The following STRN variants were observed in gnomAD, a reference collection of about 807,000 sequenced individuals.
The protein encoded by STRN is striatin.
A neutral mutation model predicts 96.3 loss-of-function variants in STRN; 53 were observed. The observed-to-expected ratio is 0.55, with a 90% CI of 0.44 to 0.69. The LOEUF (loss-of-function observed/expected upper bound fraction) is 0.69, where lower values mean the gene tolerates loss of function less well. Among genes scored for constraint, STRN ranks in the 30% least tolerant of loss-of-function variants. The probability of loss-of-function intolerance (pLI) is 0.00; values close to 1 mark genes in which losing one functional copy is unlikely to be tolerated. For synonymous variants in STRN, 428 were observed against 355.9 expected (o/e 1.20, Z -2.28); for missense variants, 987 against 963.9 (o/e 1.02, Z -0.32).
intron 1 of STRN, among the ~76,000 whole-genome samples, chr2:36,944,025 CAGG>C (rs1334406663): frequency 1.3e-5 from 2 of 152,030 alleles, no homozygotes; most frequent in African/African-American, 4.8e-5. Flanking sequence ...GAGGCTGGGG[CAGG>C]AGAATTGCTT....
chr2:36,907,182 C>G (rs1558647602), intron 3 of STRN, among the ~76,000 whole-genome samples: 1 of 152,176 alleles, frequency 6.6e-6, no homozygotes, highest in East Asian at 1.9e-4. Flanking sequence ...TAAAAAACTG[C>G]TGATCTTTAT....
At chr2:36,951,949 T>C (rs1664763617) in intron 1 of STRN, among the ~76,000 whole-genome samples, 1 of 152,198 alleles carries the variant, frequency 6.6e-6, no homozygotes, top group Non-Finnish European at 1.5e-5. Flanking sequence ...GCACGGATCC[T>C]ACTGTGAACA....
intron 14 of STRN, among the ~76,000 whole-genome samples, chr2:36,856,811 T>G (rs1046456339): frequency 1.3e-5 from 2 of 152,142 alleles, no homozygotes; most frequent in Admixed American, 1.3e-4. Context: ...ATTTTCCCCT[T>G]TGGTGCTATT....
chr2:36,955,158 G>C (rs1049367992), intron 1 of STRN, among the ~76,000 whole-genome samples: 10 of 152,126 alleles, frequency 6.6e-5, no homozygotes, highest in African/African-American at 2.4e-4. Flanking sequence ...CACAGAGTGA[G>C]GGACCAAAAA....
At chr2:36,956,914 T>G (rs1381803350) in intron 1 of STRN, among the ~76,000 whole-genome samples, 2 of 152,226 alleles carry the variant, frequency 1.3e-5, no homozygotes, top group Admixed American at 6.5e-5. Flanking sequence ...ATTCTTCTAC[T>G]GAACGCAGCC....
At position 36,843,425 on chromosome 2, in the gene STRN, G is replaced by T. The variant is rs1667994222; in HGVS notation, c.*6031C>A. Among the ~76,000 whole-genome samples the T allele has an allele frequency of 6.6e-6, 1 of 152,090 alleles. No homozygotes were observed. The highest frequency in any genetic ancestry group is 2.4e-5 in the African/African-American group (1 of 41,420). On this transcript the variant is annotated 3_prime_UTR_variant, in exon 18 of 18. Transcript: ENST00000263918. The stretch of plus-strand genomic sequence containing the variant: ...TAGCGAAACAAAAAATAAAAACATT[G>T]TATTTATATATGTGTATAAATTTTA...
At chr2:36,872,983 T>C (rs1668803665) in intron 10 of STRN, among the ~76,000 whole-genome samples, 1 of 152,250 alleles carries the variant, frequency 6.6e-6, no homozygotes, top group South Asian at 2.1e-4. Context: ...CCAGAGGGGA[T>C]GGCTGAGAAG....
chr2:36,929,130 G>T (rs1670501063), intron 1 of STRN, among the ~76,000 whole-genome samples: 1 of 151,970 alleles, frequency 6.6e-6, no homozygotes. Context: ...ATTTTTCACA[G>T]TATAGAAAAT....
chr2:36,843,921 G>C lies in STRN; in HGVS notation c.*5535C>G, dbSNP rs567520664. The C allele has an allele frequency of 6.6e-6, 1 of 152,196 alleles. No individual in the cohort carries two copies. The highest frequency in any genetic ancestry group is 2.1e-4 in the South Asian group (1 of 4,822). The allele number at this position is 152,196 out of a possible 1,614,324, so 9.4% of individuals were successfully genotyped here. ...GAAACTTCTTGCACCACAAAAATTA[G>C]CATTTGGATTAATTTACATTAATTG... On this transcript the variant is annotated 3_prime_UTR_variant, in exon 18 of 18. Transcript: ENST00000263918.
chr2:36,861,349 C>G (rs1572628706), intron 12 of STRN, 96 bp from the exon 13 acceptor site: 1 of 1,462,330 alleles, frequency 6.8e-7, no homozygotes, highest in South Asian at 1.3e-5. Context: ...ACCCAAATGG[C>G]TATTTTTCTG....
chr2:36,925,833 TG>T (rs1236426443), intron 1 of STRN, among the ~76,000 whole-genome samples: 2 of 152,208 alleles, frequency 1.3e-5, no homozygotes, highest in Non-Finnish European at 2.9e-5. Flanking sequence ...CAGTACAGTT[TG>T]CTAAAGTGTT....
intron 13 of STRN, 112 bp from the exon 14 acceptor site, chr2:36,858,135 T>C (rs1037034672): frequency 1.3e-6 from 1 of 764,570 alleles, no homozygotes; most frequent in South Asian, 4.5e-5. Flanking sequence ...GTATAAAATA[T>C]GATTCTTGGT....
Position 36,849,640 on chromosome 2 carries a change from A to C in STRN, c.2174-15T>G, listed in dbSNP as rs1451924281. ...ACAGTCATGACCTATATCCAAAAAA[A>C]AAATTAAAAGGAAAAATTACATTAA... On this transcript the variant is annotated splice_polypyrimidine_tract_variant and intron_variant, in intron 17 of 17. Transcript: ENST00000263918. 1 of 1,612,104 alleles carries C rather than the reference A, an allele frequency of 6.2e-7. No homozygotes were observed. The highest frequency in any genetic ancestry group is 1.7e-5 in the Admixed American group (1 of 59,496).
intron 2 of STRN, among the ~76,000 whole-genome samples, chr2:36,924,798 T>G (rs1670365729): frequency 6.6e-6 from 1 of 152,222 alleles, no homozygotes; most frequent in Non-Finnish European, 1.5e-5. Flanking sequence ...GGCTCACACC[T>G]GTAATCCCAG....
intron 7 of STRN, among the ~76,000 whole-genome samples, chr2:36,890,682 C>T (rs1041855513): frequency 6.6e-6 from 1 of 151,958 alleles, no homozygotes; most frequent in African/African-American, 2.4e-5. Context: ...TGGGGTTTCA[C>T]CAGGTTAGCC....
intron 13 of STRN, among the ~76,000 whole-genome samples, chr2:36,859,261 T>C (rs79936484): frequency 0.068 from 10,310 of 151,980 alleles, 487 homozygotes; most frequent in Non-Finnish European, 0.1. Flanking sequence ...TTAGACAGAA[T>C]CAAGACAAAG....
chr2:36,874,870 G>C (rs1024470458), intron 10 of STRN, among the ~76,000 whole-genome samples: 8 of 152,078 alleles, frequency 5.3e-5, no homozygotes, highest in African/African-American at 1.2e-4. Flanking sequence ...AATACTAAAT[G>C]TTCTCAGGTG....
chr2:36,867,959 G>A, intron 11 of STRN, 98 bp from the exon 12 acceptor site: 8 of 871,530 alleles, frequency 9.2e-6, no homozygotes, highest in East Asian at 2.7e-5. Flanking sequence ...AAACATTATG[G>A]GAATATACCA....
At chr2:36,884,315 T>C (rs768176464) in intron 8 of STRN, among the ~76,000 whole-genome samples, 17 of 152,178 alleles carry the variant, frequency 1.1e-4, no homozygotes, top group Non-Finnish European at 1.9e-4. Context: ...TAAAAAAGAA[T>C]GCTCGTGTCC....
Sources: allele counts gnomAD v4.1 joint callset (sites outside exome capture counted in the v4.1 genomes callset), GRCh38; gene constraint gnomAD v4.1.1; transcripts MANE v1.5; gene names NCBI Gene and HGNC (gene_info 2026-07-23, HGNC 2026-07-21).